ARSB: variants seen among roughly 807,000 people sequenced by gnomAD.
ARSB encodes arylsulfatase B.
Under a neutral mutation model 50.9 loss-of-function variants are expected in ARSB, and 41 were observed. The observed-to-expected ratio is 0.81, with a 90% CI of 0.63 to 1.04. The LOEUF is 1.04. ARSB is among the 50% of genes least tolerant of loss of function. ARSB has a pLI of 0.00. For synonymous variants in ARSB, 269 were observed against 284.8 expected (o/e 0.94, Z 0.56); for missense variants, 672 against 693.3 (o/e 0.97, Z 0.35).
At chr5:78,862,513 T>A (rs975256381) in intron 5 of ARSB, among the ~76,000 whole-genome samples, 2 of 152,210 alleles carry the variant, frequency 1.3e-5, no homozygotes, top group African/African-American at 4.8e-5. Flanking sequence ...GTATTCCCTA[T>A]TTAATACATG....
chr5:78,932,098 C>G (rs1475852601), intron 4 of ARSB, among the ~76,000 whole-genome samples: 1 of 152,200 alleles, frequency 6.6e-6, no homozygotes. Context: ...TGATTTTCAC[C>G]CAATTCCAAA....
chr5:78,930,691 G>A (rs1750283716), intron 4 of ARSB, among the ~76,000 whole-genome samples: 2 of 152,246 alleles, frequency 1.3e-5, no homozygotes, highest in Non-Finnish European at 2.9e-5. Context: ...AGCCTGGAAG[G>A]CAGAATTTCT....
intron 1 of ARSB, among the ~76,000 whole-genome samples, chr5:78,983,984 CATA>C (rs1356514841): frequency 1.8e-4 from 28 of 152,160 alleles, no homozygotes; most frequent in South Asian, 6.2e-4. Flanking sequence ...TTAATATGGT[CATA>C]ATAACTTCAG....
At chr5:78,927,356 C>A (rs550158422) in intron 4 of ARSB, among the ~76,000 whole-genome samples, 49 of 152,064 alleles carry the variant, frequency 3.2e-4, no homozygotes, top group Non-Finnish European at 1.0e-4. Context: ...TGCTCAATAG[C>A]CATGTATGAC....
intron 6 of ARSB, among the ~76,000 whole-genome samples, chr5:78,828,837 T>C (rs1744550938): frequency 6.6e-6 from 1 of 152,198 alleles, no homozygotes; most frequent in Non-Finnish European, 1.5e-5. Flanking sequence ...GGAATTAAGA[T>C]TGCTAATCAG....
intron 5 of ARSB, among the ~76,000 whole-genome samples, chr5:78,846,392 G>A (rs1446406121): frequency 6.6e-6 from 1 of 151,934 alleles, no homozygotes; most frequent in East Asian, 1.9e-4. Flanking sequence ...GTAAATTTTA[G>A]GATTTTTTAA....
intron 5 of ARSB, among the ~76,000 whole-genome samples, chr5:78,842,991 T>G (rs1745293802): frequency 6.6e-6 from 1 of 152,196 alleles, no homozygotes; most frequent in Non-Finnish European, 1.5e-5. Flanking sequence ...AACTTTGCTG[T>G]ACATTAGAAT....
chr5:78,786,748 T>A (rs556004334), intron 6 of ARSB, among the ~76,000 whole-genome samples: 1 of 152,300 alleles, frequency 6.6e-6, no homozygotes, highest in Admixed American at 6.5e-5. Context: ...GCCTCCAGAA[T>A]AGCGGGGACT....
At chr5:78,827,090 T>C (rs1561443068) in intron 6 of ARSB, among the ~76,000 whole-genome samples, 1 of 152,136 alleles carries the variant, frequency 6.6e-6, no homozygotes, top group African/African-American at 2.4e-5. Flanking sequence ...AACGGCTCCA[T>C]CAAATAGAGC....
intron 4 of ARSB, among the ~76,000 whole-genome samples, chr5:78,898,668 A>G (rs1748676161): frequency 6.6e-6 from 1 of 152,224 alleles, no homozygotes; most frequent in Admixed American, 6.5e-5. Flanking sequence ...AGTCTGATGC[A>G]GGTCTCACTG....
At chr5:78,961,497 T>C (rs1029789799) in intron 3 of ARSB, among the ~76,000 whole-genome samples, 1 of 152,194 alleles carries the variant, frequency 6.6e-6, no homozygotes, top group Non-Finnish European at 1.5e-5. Context: ...GCTATGGTAA[T>C]AACACTCCTT....
intron 5 of ARSB, among the ~76,000 whole-genome samples, chr5:78,842,244 G>A (rs902630641): frequency 2.0e-5 from 3 of 152,124 alleles, no homozygotes; most frequent in African/African-American, 7.2e-5. Flanking sequence ...GGGGGCATGG[G>A]ACAGAAACGG....
intron 5 of ARSB, among the ~76,000 whole-genome samples, chr5:78,857,371 T>G (rs1746201756): frequency 6.6e-6 from 1 of 152,194 alleles, no homozygotes; most frequent in African/African-American, 2.4e-5. Flanking sequence ...GTTATCTAGG[T>G]ATTTTCCTTA....
intron 6 of ARSB, among the ~76,000 whole-genome samples, chr5:78,805,316 C>G (rs1456077921): frequency 6.6e-6 from 1 of 152,112 alleles, no homozygotes; most frequent in Non-Finnish European, 1.5e-5. Flanking sequence ...CATAAGTCAG[C>G]CAACGAGGCA....
intron 4 of ARSB, among the ~76,000 whole-genome samples, chr5:78,929,860 T>C (rs2112385064): frequency 6.6e-6 from 1 of 151,822 alleles, no homozygotes; most frequent in Non-Finnish European, 1.5e-5. Flanking sequence ...GGACAGTACA[T>C]TGTCTTAAAT....
At chr5:78,850,550 G>C (rs1223860785) in intron 5 of ARSB, among the ~76,000 whole-genome samples, 2 of 152,104 alleles carry the variant, frequency 1.3e-5, no homozygotes, top group African/African-American at 4.8e-5. Context: ...CCTGGCTTTG[G>C]TATCAGGATG....
At chr5:78,938,239 A>C (rs546148400) in intron 4 of ARSB, among the ~76,000 whole-genome samples, 2 of 152,260 alleles carry the variant, frequency 1.3e-5, no homozygotes, top group Non-Finnish European at 2.9e-5. Flanking sequence ...ATGGCTGTTC[A>C]GTAAAATGTA....
chr5:78,843,633 A>G (rs1284001312), intron 5 of ARSB, among the ~76,000 whole-genome samples: 1 of 152,196 alleles, frequency 6.6e-6, no homozygotes, highest in Non-Finnish European at 1.5e-5. Flanking sequence ...TGGTTGCACA[A>G]TCATCAACAG....
At chr5:78,791,328 CTTGT>C (rs1323757789) in intron 6 of ARSB, among the ~76,000 whole-genome samples, 4 of 152,188 alleles carry the variant, frequency 2.6e-5, no homozygotes, top group African/African-American at 7.2e-5. Flanking sequence ...CTAAAAGTAG[CTTGT>C]TTATTTATTA....
Sources: allele counts gnomAD v4.1 joint callset (sites outside exome capture counted in the v4.1 genomes callset), GRCh38; gene constraint gnomAD v4.1.1; transcripts MANE v1.5; gene names NCBI Gene and HGNC (gene_info 2026-07-23, HGNC 2026-07-21).